Variants in SLC39A11 observed in about 807,000 individuals in gnomAD.
SLC39A11 encodes the protein solute carrier family 39 member 11, also known as zinc transporter ZIP11.
A neutral mutation model predicts 36.1 loss-of-function variants in SLC39A11; 33 were observed. The observed-to-expected ratio is 0.91, with a 90% CI of 0.69 to 1.22. The LOEUF is 1.22. Among genes scored for constraint, SLC39A11 ranks in the 50% most tolerant of loss-of-function variants. The pLI, the probability that SLC39A11 is intolerant of heterozygous loss-of-function variation, is 0.00. For missense variants in SLC39A11, 432 were observed against 430.3 expected (o/e 1.00, Z -0.03); for synonymous variants, 166 against 170.3 (o/e 0.97, Z 0.20).
At chr17:73,019,212 T>C (rs1217845361) in intron 4 of SLC39A11, among the ~76,000 whole-genome samples, 1 of 152,168 alleles carries the variant, frequency 6.6e-6, no homozygotes, top group Non-Finnish European at 1.5e-5. Context: ...AGAAAAATAA[T>C]ATTAGATAAA....
chr17:72,825,547 C>T (rs1162683959), intron 6 of SLC39A11, among the ~76,000 whole-genome samples: 1 of 152,208 alleles, frequency 6.6e-6, no homozygotes, highest in East Asian at 1.9e-4. Flanking sequence ...GGTCACTGTT[C>T]TTCCAATCCC....
intron 7 of SLC39A11, among the ~76,000 whole-genome samples, chr17:72,712,422 C>A (rs955795956): frequency 6.6e-6 from 1 of 152,188 alleles, no homozygotes; most frequent in Non-Finnish European, 1.5e-5. Flanking sequence ...CAAAGGTCAA[C>A]CCTCCCTTTA....
chr17:73,050,401 G>T (rs2059453624), intron 3 of SLC39A11, among the ~76,000 whole-genome samples: 1 of 149,594 alleles, frequency 6.7e-6, no homozygotes, highest in African/African-American at 2.5e-5. Flanking sequence ...GGAGGAGAGT[G>T]GGTCCTCATG....
chr17:72,835,317 G>A (rs2145776848), intron 6 of SLC39A11, among the ~76,000 whole-genome samples: 1 of 152,334 alleles, frequency 6.6e-6, no homozygotes, highest in East Asian at 1.9e-4. Context: ...CCCCATTTAA[G>A]ACCTCCACAA....
At chr17:72,899,979 AG>A (rs1328176682) in intron 5 of SLC39A11, among the ~76,000 whole-genome samples, 18 of 145,206 alleles carry the variant, frequency 1.2e-4, no homozygotes, top group African/African-American at 3.9e-4. Context: ...AGAGAGAGAG[AG>A]AGAAAGAAAG....
intron 4 of SLC39A11, among the ~76,000 whole-genome samples, chr17:72,989,292 A>G (rs1413166099): frequency 6.6e-6 from 1 of 152,246 alleles, no homozygotes; most frequent in African/African-American, 2.4e-5. Context: ...TGTATTTCAC[A>G]GAGTTCTCCT....
chr17:72,751,289 T>G (rs552283699), intron 6 of SLC39A11, among the ~76,000 whole-genome samples: 14 of 152,154 alleles, frequency 9.2e-5, no homozygotes, highest in Non-Finnish European at 1.8e-4. Flanking sequence ...TGCTAACATA[T>G]GATTATATAA....
intron 4 of SLC39A11, among the ~76,000 whole-genome samples, chr17:72,963,811 G>A (rs1190253980): frequency 6.6e-6 from 1 of 152,132 alleles, no homozygotes; most frequent in African/African-American, 2.4e-5. Context: ...TGGCCTCAGG[G>A]GCAAAAGCAG....
chr17:72,779,895 G>A (rs187334472), intron 6 of SLC39A11, among the ~76,000 whole-genome samples: 5 of 152,114 alleles, frequency 3.3e-5, no homozygotes, highest in Admixed American at 3.3e-4. Context: ...TTTCAATAGG[G>A]CAAGGAGTCT....
At chr17:72,827,838 G>T (rs2078096438) in intron 6 of SLC39A11, among the ~76,000 whole-genome samples, 1 of 152,198 alleles carries the variant, frequency 6.6e-6, no homozygotes, top group South Asian at 2.1e-4. Context: ...TGTAGCACAG[G>T]CACTCGCAGA....
At chr17:72,855,926 T>A (rs949466107) in intron 5 of SLC39A11, among the ~76,000 whole-genome samples, 1 of 151,034 alleles carries the variant, frequency 6.6e-6, no homozygotes, top group Non-Finnish European at 1.5e-5. Context: ...TAGAAGGGGA[T>A]CAACTTATAT....
intron 5 of SLC39A11, among the ~76,000 whole-genome samples, chr17:72,881,611 A>T (rs994065244): frequency 6.6e-6 from 1 of 152,226 alleles, no homozygotes; most frequent in Non-Finnish European, 1.5e-5. Context: ...CCTTTTTAAA[A>T]TTTTTATTTT....
intron 7 of SLC39A11, among the ~76,000 whole-genome samples, chr17:72,660,599 G>A (rs1485020072): frequency 6.6e-6 from 1 of 152,174 alleles, no homozygotes; most frequent in African/African-American, 2.4e-5. Context: ...GACGCTGCCC[G>A]ACACCCACTT....
At position 72,661,327 on chromosome 17, in the gene SLC39A11, G is replaced by A. The variant is rs1471469494; in HGVS notation, c.672-12059C>T. Among the ~76,000 whole-genome samples the A allele has an allele frequency of 1.1e-4, 17 of 152,050 alleles. No individual in the cohort carries two copies. In the South Asian group the frequency reaches 2.7e-3, roughly 24 times the overall value. On this transcript the variant is annotated intron_variant, in intron 7 of 9. Coordinates refer to ENST00000255559, the MANE Select transcript of SLC39A11 (RefSeq NM_139177.4). ...TGTAGTTCTGGGGTTCGAGGTGCAC[G>A]CTCTCAGGAGAGGTAGTGGAGAGAG... is the stretch of plus-strand genomic sequence containing the variant.
chr17:72,790,354 G>C (rs1006544862), intron 6 of SLC39A11, among the ~76,000 whole-genome samples: 1 of 152,106 alleles, frequency 6.6e-6, no homozygotes, highest in African/African-American at 2.4e-5. Flanking sequence ...TGAGGAAGTA[G>C]GCAGTGCTCA....
chr17:73,046,342 A>G (rs998188271), intron 3 of SLC39A11, among the ~76,000 whole-genome samples: 4 of 152,156 alleles, frequency 2.6e-5, no homozygotes, highest in Admixed American at 1.3e-4. Context: ...AATTCACCAG[A>G]GGGATGCAGC....
chr17:73,000,338 C>A (rs557381928), intron 4 of SLC39A11, among the ~76,000 whole-genome samples: 150 of 151,512 alleles, frequency 9.9e-4, no homozygotes, highest in African/African-American at 3.4e-3. Context: ...CTCTCTTCTC[C>A]CCTCTCTCTC....
At chr17:72,890,351 T>A (rs2081665968) in intron 5 of SLC39A11, among the ~76,000 whole-genome samples, 1 of 150,646 alleles carries the variant, frequency 6.6e-6, no homozygotes, top group South Asian at 2.1e-4. Flanking sequence ...TCCCAGCAAG[T>A]TATAACTAGG....
At chr17:73,081,361 C>T (rs1416087712) in intron 3 of SLC39A11, among the ~76,000 whole-genome samples, 1 of 152,032 alleles carries the variant, frequency 6.6e-6, no homozygotes, top group African/African-American at 2.4e-5. Flanking sequence ...AACACTTTTA[C>T]ACTGCCAGTG....
Sources: allele counts gnomAD v4.1 joint callset (sites outside exome capture counted in the v4.1 genomes callset), GRCh38; gene constraint gnomAD v4.1.1; transcripts MANE v1.5; gene names NCBI Gene and HGNC (gene_info 2026-07-23, HGNC 2026-07-21).